Variants in SLC41A2 observed in about 807,000 individuals in gnomAD.
The protein encoded by SLC41A2 is solute carrier family 41 member 2, also known as SLC41A1-like 1.
In SLC41A2, 32 loss-of-function variants were observed where a neutral mutation model predicts 58.3. The observed-to-expected ratio is 0.55, with a 90% CI of 0.41 to 0.74. SLC41A2 has a LOEUF of 0.74. SLC41A2 is among the 30% of genes least tolerant of loss of function. The pLI is 0.00. For missense variants in SLC41A2, 514 were observed against 680.6 expected (o/e 0.76, Z 2.72); for synonymous variants, 190 against 235.0 (o/e 0.81, Z 1.75).
intron 1 of SLC41A2, among the ~76,000 whole-genome samples, chr12:104,932,719 C>T (rs2047111913): frequency 6.6e-6 from 1 of 150,724 alleles, no homozygotes; most frequent in South Asian, 2.1e-4. Context: ...AATAAAGAAC[C>T]CAAAAATAAA....
intron 8 of SLC41A2, among the ~76,000 whole-genome samples, chr12:104,848,167 A>T (rs1021588642): frequency 6.6e-6 from 1 of 152,246 alleles, no homozygotes; most frequent in Admixed American, 6.5e-5. Flanking sequence ...CAGAAAAGTA[A>T]GATATCTGAG....
intron 1 of SLC41A2, among the ~76,000 whole-genome samples, chr12:104,951,924 C>G (rs1468216544): frequency 6.6e-6 from 1 of 151,892 alleles, no homozygotes; most frequent in African/African-American, 2.4e-5. Flanking sequence ...TCAAACAAAA[C>G]AGAAATGATT....
chr12:104,868,506 T>C (rs1011440578), intron 6 of SLC41A2, among the ~76,000 whole-genome samples: 8 of 152,012 alleles, frequency 5.3e-5, no homozygotes, highest in African/African-American at 1.9e-4. Flanking sequence ...AAAAATACCT[T>C]AGGAAAGAAA....
chr12:104,904,902 A>G (rs1302949942), intron 3 of SLC41A2, among the ~76,000 whole-genome samples: 1 of 152,042 alleles, frequency 6.6e-6, no homozygotes, highest in Non-Finnish European at 1.5e-5. Flanking sequence ...AGAACAAAAG[A>G]CCAAAGCTTC....
chr12:104,880,838 G>T (rs2044329654), intron 6 of SLC41A2, among the ~76,000 whole-genome samples: 1 of 152,194 alleles, frequency 6.6e-6, no homozygotes, highest in South Asian at 2.1e-4. Flanking sequence ...CATAAAATGA[G>T]TTAGGGAGGA....
At position 104,927,983 on chromosome 12, in the gene SLC41A2, T is replaced by A. The variant is rs759754282; in HGVS notation, c.545A>T (p.Asp182Val). ...AAGATGAAAACCCACCTGTACTATA[T>A]CCAGTACCATGCCAGCTGAAACTGT... The part of the protein sequence containing the change: ...FGTVSAGMVL[D>V]IVQHWEVFRK... The change falls in exon 2 of 11, where the codon GAT becomes GTT. Residue 182 changes from aspartate (D) to valine (V), a missense_variant. Coordinates refer to ENST00000258538, the MANE Select transcript of SLC41A2 (RefSeq NM_001352171.3). The A allele has an allele frequency of 1.2e-6, 2 of 1,605,218 alleles. No individual in the cohort carries two copies. The highest frequency in any genetic ancestry group is 2.2e-5 in the South Asian group (2 of 88,946).
intron 8 of SLC41A2, among the ~76,000 whole-genome samples, chr12:104,856,207 C>T (rs2043015121): frequency 6.6e-6 from 1 of 152,016 alleles, no homozygotes; most frequent in Non-Finnish European, 1.5e-5. Context: ...AGCTCAAGAG[C>T]AGGGTCTTGA....
At chr12:104,896,718 A>G (rs1343948123) in intron 3 of SLC41A2, among the ~76,000 whole-genome samples, 1 of 152,224 alleles carries the variant, frequency 6.6e-6, no homozygotes, top group East Asian at 1.9e-4. Context: ...GAGTTAAAGA[A>G]TGAGTGAGTG....
chr12:104,925,887 G>A (rs980205333), intron 2 of SLC41A2, among the ~76,000 whole-genome samples: 6 of 152,076 alleles, frequency 3.9e-5, no homozygotes, highest in Non-Finnish European at 8.8e-5. Context: ...ATTTATTGTC[G>A]CAGCTGTGAT....
chr12:104,930,030 T>C (rs1182267589), intron 1 of SLC41A2, among the ~76,000 whole-genome samples: 3 of 152,200 alleles, frequency 2.0e-5, no homozygotes, highest in Non-Finnish European at 2.9e-5. Context: ...TTCCTCTCTC[T>C]TGTGATTACA....
intron 10 of SLC41A2, among the ~76,000 whole-genome samples, chr12:104,840,759 C>G (rs186579921): frequency 1.9e-4 from 29 of 152,168 alleles, no homozygotes; most frequent in Non-Finnish European, 2.4e-4. Context: ...ACAAATACCA[C>G]CAAACAATGT....
rs369313254 is a variant in SLC41A2, at chr12:104,808,340, G to A, written c.1537-3003C>T. ...TTGAGATAATCATGTGGTTTTTGTC[G>A]TTGGTTCTGTTTATATGCTGGATTA... is the stretch of plus-strand genomic sequence containing the variant. On this transcript the variant is annotated intron_variant, in intron 10 of 10. Transcript: ENST00000258538. Among the ~76,000 whole-genome samples the A allele has an allele frequency of 1.9e-3, 294 of 152,106 alleles. 2 individuals carry two copies. Among genetic ancestry groups the A allele is most frequent in the African/African-American group, 6.1e-3 (252 of 41,510 alleles).
chr12:104,940,083 G>C (rs767673117), intron 1 of SLC41A2, among the ~76,000 whole-genome samples: 3 of 151,430 alleles, frequency 2.0e-5, no homozygotes, highest in Non-Finnish European at 4.4e-5. Context: ...GCGTGATCTC[G>C]GCTCACCGCA....
chr12:104,834,743 A>C (rs1205629507), intron 10 of SLC41A2, among the ~76,000 whole-genome samples: 6 of 152,186 alleles, frequency 3.9e-5, no homozygotes, highest in African/African-American at 1.2e-4. Context: ...CAAGTATTTA[A>C]ATATTATAAC....
chr12:104,939,323 G>A (rs550755030), intron 1 of SLC41A2, among the ~76,000 whole-genome samples: 23 of 152,146 alleles, frequency 1.5e-4, no homozygotes, highest in African/African-American at 2.7e-4. Context: ...TTAGCCTCCC[G>A]AGTAGCTAGG....
chr12:104,852,846 CA>C (rs1327615378), intron 8 of SLC41A2, among the ~76,000 whole-genome samples: 1 of 151,954 alleles, frequency 6.6e-6, no homozygotes, highest in African/African-American at 2.4e-5. Context: ...TCTTTAATGT[CA>C]AAAAATGCTT....
At chr12:104,933,688 CAT>C (rs141917667) in intron 1 of SLC41A2, among the ~76,000 whole-genome samples, 7,599 of 142,930 alleles carry the variant, frequency 0.053, 270 homozygotes, top group East Asian at 0.14. Context: ...CACACACACA[CAT>C]ACACACACAC....
At chr12:104,910,741 A>G (rs2046049303) in intron 2 of SLC41A2, among the ~76,000 whole-genome samples, 1 of 152,116 alleles carries the variant, frequency 6.6e-6, no homozygotes, top group Admixed American at 6.5e-5. Context: ...AATTCCAAAC[A>G]GTCTTTAGTA....
Position 104,928,435 on chromosome 12 carries a change from G to A in SLC41A2, c.93C>T (p.Asn31=). 6.4e-7 allele frequency: 1 copy of A among 1,552,410 alleles called. No homozygotes were observed. The highest frequency in any genetic ancestry group is 8.7e-7 in the Non-Finnish European group (1 of 1,147,200). Residue 31 remains asparagine (N), a synonymous_variant, in exon 2 of 11, where the codon AAC becomes AAT. Coordinates refer to ENST00000258538, the MANE Select transcript of SLC41A2 (RefSeq NM_001352171.3). ...TTAAAAACTTGTCGGATTGAATTGT[G>A]TTTAAACGTAAAGTCCAATCTACAA... ...GGFVDWTLRL[N]TIQSDKFLNL...
Sources: gnomAD v4.1 joint callset for allele counts (sites outside exome capture counted in the v4.1 genomes callset) on GRCh38, gnomAD v4.1.1 for gene constraint, MANE v1.5 for transcripts, NCBI Gene and HGNC (gene_info 2026-07-23, HGNC 2026-07-21) for gene names.